Variants in RARB observed in about 807,000 individuals in gnomAD.
RARB encodes HBV-activated protein.
Under a neutral mutation model 51.9 loss-of-function variants are expected in RARB, and 17 were observed. That is an observed-to-expected ratio of 0.33 (90% CI 0.22 to 0.49). RARB has a LOEUF of 0.49. Among genes scored for constraint, RARB ranks in the 20% least tolerant of loss-of-function variants. The pLI, the probability that RARB is intolerant of heterozygous loss-of-function variation, is 0.99. For missense variants in RARB, 369 were observed against 550.8 expected, an observed-to-expected ratio of 0.67 and a Z score of 3.30; for synonymous variants, 215 against 195.4, an observed-to-expected ratio of 1.10 and a Z score of -0.84.
intron 2 of RARB, among the ~76,000 whole-genome samples, chr3:24,989,861 G>A (rs1448232593): frequency 1.3e-5 from 1 of 79,018 alleles, no homozygotes; most frequent in South Asian, 5.9e-4. Context: ...CTGCAGTGGC[G>A]CAATCTCGGC....
At chr3:25,105,859 A>T (rs1309567778) in intron 3 of RARB, among the ~76,000 whole-genome samples, 4 of 152,228 alleles carry the variant, frequency 2.6e-5, no homozygotes, top group African/African-American at 9.6e-5. Flanking sequence ...TGCCTTATCA[A>T]TTTTAACATC....
At chr3:25,369,425 T>G (rs768125597) in intron 5 of RARB, among the ~76,000 whole-genome samples, 2 of 152,194 alleles carry the variant, frequency 1.3e-5, no homozygotes, top group Non-Finnish European at 2.9e-5. Flanking sequence ...AGAAATAAGA[T>G]GCTGATCCTC....
chr3:25,195,293 T>C (rs1019988277), intron 5 of RARB, among the ~76,000 whole-genome samples: 1 of 151,970 alleles, frequency 6.6e-6, no homozygotes. Flanking sequence ...CACTTAAGAA[T>C]AGGTAGTGTC....
rs1158785479 is a variant in RARB, at chr3:25,080,252, GTATCAGA to G, written c.-328+20077_-328+20083del. Among the ~76,000 whole-genome samples, 75 of 152,194 alleles carry G rather than the reference GTATCAGA, an allele frequency of 4.9e-4. 1 individual carries two copies. The highest frequency in any genetic ancestry group is 4.9e-3 in the Admixed American group (75 of 15,282). ...TCAAAGTTCACCCATTTTGGAGCAT[GTATCAGA>G]GCTTTATTTCTTCTCATTGATGAGT... On this transcript the variant is annotated intron_variant, in intron 3 of 11. Transcript: ENST00000383772.
chr3:25,422,812 C>G (rs1707896829), intron 5 of RARB, among the ~76,000 whole-genome samples: 1 of 151,908 alleles, frequency 6.6e-6, no homozygotes, highest in Non-Finnish European at 1.5e-5. Flanking sequence ...TAACAAAACC[C>G]AAATGTATAT....
intron 3 of RARB, among the ~76,000 whole-genome samples, chr3:25,116,664 C>T (rs1327783900): frequency 1.3e-5 from 2 of 152,004 alleles, no homozygotes; most frequent in Non-Finnish European, 1.5e-5. Flanking sequence ...TGTGAAGCTA[C>T]CATTGACTTT....
At chr3:25,101,552 A>G (rs1421191637) in intron 3 of RARB, among the ~76,000 whole-genome samples, 3 of 151,404 alleles carry the variant, frequency 2.0e-5, no homozygotes, top group African/African-American at 4.9e-5. Flanking sequence ...TTATGTACAG[A>G]TCTATATCAT....
At chr3:25,237,488 T>C (rs1252392212) in intron 5 of RARB, among the ~76,000 whole-genome samples, 1 of 152,164 alleles carries the variant, frequency 6.6e-6, no homozygotes, top group Non-Finnish European at 1.5e-5. Context: ...TTGTTTTACA[T>C]GAGCAGATAA....
rs144472192 is a variant in RARB at position 25,157,449 on chromosome 3, G to A, written c.-279-16670G>A. Among the ~76,000 whole-genome samples, 859 of 151,334 alleles carry A rather than the reference G, an allele frequency of 5.7e-3. 9 individuals carry two copies. Among genetic ancestry groups the A allele is most frequent in the African/African-American group, 0.02 (806 of 41,196 alleles). ...GACAGTGTCTCATCCTGTCACCCAGGCTGGAATGCAGTAGTGCAATCTCAG... is the reference window on the plus strand; with the variant it reads ...GACAGTGTCTCATCCTGTCACCCAGACTGGAATGCAGTAGTGCAATCTCAG... On this transcript the variant is annotated intron_variant, in intron 4 of 11. Coordinates refer to the RARB transcript ENST00000383772.
At chr3:25,406,231 C>G (rs948358602) in intron 5 of RARB, among the ~76,000 whole-genome samples, 2 of 152,098 alleles carry the variant, frequency 1.3e-5, no homozygotes, top group African/African-American at 2.4e-5. Context: ...TTAGAGGTTC[C>G]AGGAAGGGAT....
At chr3:25,485,120 A>G (rs1406220350) in intron 2 of RARB, among the ~76,000 whole-genome samples, 3 of 152,260 alleles carry the variant, frequency 2.0e-5, no homozygotes, top group African/African-American at 7.2e-5. Context: ...AATTAAAAAC[A>G]TAAACTAAGC....
chr3:25,421,513 G>C (rs1707863561), intron 5 of RARB, among the ~76,000 whole-genome samples: 1 of 138,772 alleles, frequency 7.2e-6, no homozygotes, highest in Non-Finnish European at 1.5e-5. Flanking sequence ...CCAGGTTCAA[G>C]CAATTCTTCT....
At chr3:25,488,805 G>A (rs934865012) in intron 2 of RARB, among the ~76,000 whole-genome samples, 1 of 152,126 alleles carries the variant, frequency 6.6e-6, no homozygotes, top group Non-Finnish European at 1.5e-5. Flanking sequence ...TAAAAATAAG[G>A]GCTCTGTCAG....
chr3:25,357,373 G>A (rs1446076145), intron 5 of RARB, among the ~76,000 whole-genome samples: 2 of 151,346 alleles, frequency 1.3e-5, no homozygotes, highest in Non-Finnish European at 2.9e-5. Context: ...TTTTTTTCTT[G>A]TAAATTTGTT....
At chr3:25,218,174 TCC>T (rs1701874282) in intron 5 of RARB, among the ~76,000 whole-genome samples, 1 of 152,158 alleles carries the variant, frequency 6.6e-6, no homozygotes, top group Admixed American at 6.5e-5. Flanking sequence ...TGCTGTGGGC[TCC>T]CCAGGCAGAG....
chr3:24,979,179 G>C (rs1696584387), intron 2 of RARB, among the ~76,000 whole-genome samples: 1 of 152,174 alleles, frequency 6.6e-6, no homozygotes, highest in South Asian at 2.1e-4. Context: ...CAATTATGTA[G>C]TCAATTTTAG....
At chr3:25,532,506 G>A (rs1698969609) in intron 3 of RARB, among the ~76,000 whole-genome samples, 1 of 152,172 alleles carries the variant, frequency 6.6e-6, no homozygotes, top group Admixed American at 6.5e-5. Context: ...CAAAGCAAAA[G>A]ACGGAAGAGT....
At chr3:25,234,443 T>G (rs570137512) in intron 5 of RARB, among the ~76,000 whole-genome samples, 11 of 152,202 alleles carry the variant, frequency 7.2e-5, no homozygotes, top group Non-Finnish European at 1.2e-4. Flanking sequence ...ACAGTTTTGT[T>G]GATCCTTTTA....
intron 2 of RARB, among the ~76,000 whole-genome samples, chr3:24,926,855 T>C (rs1273264542): frequency 6.6e-6 from 1 of 152,074 alleles, no homozygotes; most frequent in Admixed American, 6.6e-5. Context: ...TAATATATAC[T>C]CCCATCATTA....
Sources: gnomAD v4.1 joint callset for allele counts (sites outside exome capture counted in the v4.1 genomes callset) on GRCh38, gnomAD v4.1.1 for gene constraint, MANE v1.5 for transcripts, NCBI Gene and HGNC (gene_info 2026-07-23, HGNC 2026-07-21) for gene names.